The following MTCL1 variants were observed in gnomAD, a reference collection of about 807,000 sequenced individuals.
The protein encoded by MTCL1 is microtubule crosslinking factor 1.
A neutral mutation model predicts 141.4 loss-of-function variants in MTCL1; 79 were observed. That is an observed-to-expected ratio of 0.56 (90% CI 0.47 to 0.67). The LOEUF (loss-of-function observed/expected upper bound fraction) is 0.67. Among genes scored for constraint, MTCL1 ranks in the 30% least tolerant of loss-of-function variants. The pLI, the probability that MTCL1 is intolerant of heterozygous loss-of-function variation, is 0.00. For synonymous variants in MTCL1, 914 were observed against 875.8 expected (o/e 1.04, Z -0.77); for missense variants, 2,177 against 2,113.9 (o/e 1.03, Z -0.59).
chr18:8,731,113 C>T (rs558216310), intron 4 of MTCL1, among the ~76,000 whole-genome samples: 128 of 151,996 alleles, frequency 8.4e-4, no homozygotes, highest in Non-Finnish European at 1.4e-3. Flanking sequence ...GCCGTGGTGG[C>T]GGGCGCCTGT....
chr18:8,792,887 T>TG, intron 7 of MTCL1, 111 bp from the exon 7 acceptor site: 3 of 1,438,664 alleles, frequency 2.1e-6, no homozygotes, highest in Non-Finnish European at 2.8e-6. Flanking sequence ...TGCCCACACA[T>TG]GCTGTGTCGC....
chr18:8,737,303 A>T (rs568260051), intron 4 of MTCL1, among the ~76,000 whole-genome samples: 1 of 152,366 alleles, frequency 6.6e-6, no homozygotes, highest in East Asian at 1.9e-4. Context: ...TTTAGTAAAT[A>T]GCTTAAACAG....
intron 14 of MTCL1, among the ~76,000 whole-genome samples, chr18:8,823,554 C>T (rs1335324986): frequency 6.6e-6 from 1 of 152,238 alleles, no homozygotes; most frequent in Non-Finnish European, 1.5e-5. Flanking sequence ...CAAATCAACC[C>T]ATCCCTACCA....
At chr18:8,807,994 A>G (rs2004689) in intron 11 of MTCL1, among the ~76,000 whole-genome samples, 64,518 of 149,520 alleles carry the variant, frequency 0.43, 15,747 homozygotes, top group African/African-American at 0.67. Context: ...GATGAAAAAG[A>G]CTTGATGTGT....
intron 4 of MTCL1, among the ~76,000 whole-genome samples, chr18:8,728,792 GTGAT>G (rs34231392): frequency 0.8 from 112,693 of 140,640 alleles, 45,644 homozygotes; most frequent in East Asian, 0.95. Flanking sequence ...GTGCAGTGGC[GTGAT>G]TGATCTCGGC....
chr18:8,715,323 G>A (rs578178763), upstream of MTCL1, among the ~76,000 whole-genome samples: 5 of 152,288 alleles, frequency 3.3e-5, no homozygotes, highest in South Asian at 8.3e-4. Flanking sequence ...CCTGGAAGCT[G>A]TATCTTGCAT....
exon 6 of MTCL1, chr18:8,784,468 G>A (rs1339994552): frequency 1.3e-6 from 2 of 1,552,626 alleles, no homozygotes; most frequent in Admixed American, 1.9e-5. Context: ...AGGACTCTGA[G>A]TACCTAGTGA....
chr18:8,831,000 A>C lies in MTCL1; in HGVS notation c.*19-607A>C. On this transcript the variant is annotated intron_variant, in intron 16 of 16. Transcript: ENST00000359865. The surrounding 1 kb of genome is among the most constrained non-coding windows in gnomAD (Gnocchi z 6.4). ...TGCTGCTGCAATTGAACAGTCATTA[A>C]AGAAAACCAGACCCAAATTAAAATT... 1.0e-6 allele frequency: 1 copy of C among 986,058 alleles called. No individual in the cohort carries two copies. Among genetic ancestry groups the C allele is most frequent in the Non-Finnish European group, 1.2e-6 (1 of 830,408 alleles). The allele number at this position is 986,058 out of a possible 1,614,324, so 61.1% of individuals were successfully genotyped here. A position where few individuals can be genotyped will look rare whatever the true frequency, so the allele number is the denominator to read the frequency against.
intron 4 of MTCL1, among the ~76,000 whole-genome samples, chr18:8,738,707 T>C (rs1275181452): frequency 1.3e-5 from 2 of 152,206 alleles, no homozygotes; most frequent in Non-Finnish European, 2.9e-5. Flanking sequence ...ACCTGGTGCA[T>C]TGATAAGGAC....
chr18:8,728,720 CTTTTTTTTTT>C (rs34524200), intron 4 of MTCL1, among the ~76,000 whole-genome samples: 780 of 59,098 alleles, frequency 0.013, 9 homozygotes, highest in African/African-American at 0.049. Context: ...GTTGTCCATT[CTTTTTTTTTT>C]TTTTTTTTTT....
chr18:8,831,301 C>G, intron 16 of MTCL1: 1 of 1,191,194 alleles, frequency 8.4e-7, no homozygotes, highest in Non-Finnish European at 1.0e-6. Flanking sequence ...CTGCCACAGT[C>G]ACTGTGTCAT....
rs1191516895 is a variant in MTCL1, at chr18:8,717,944, A to AT, written c.-41dup. The AT allele has an allele frequency of 4.0e-6, 4 of 998,360 alleles. No individual in the cohort carries two copies. The African/African-American group carries it at 5.2e-5, about 13-fold the overall frequency. 61.8% of individuals were successfully genotyped at this position (998,360 alleles called of 1,614,324 possible). A position where few individuals can be genotyped will look rare whatever the true frequency, so the allele number is the denominator to read the frequency against. On this transcript the variant is annotated 5_prime_UTR_variant, in exon 2 of 17. Coordinates refer to ENST00000359865, the Ensembl canonical transcript of MTCL1. ...GCTGAGATGCGTCTTGTGGAACAGAATTTTTGGGACATTTGCAGGTATGTT... is the reference window on the plus strand; with the variant it reads ...GCTGAGATGCGTCTTGTGGAACAGAATTTTTTGGGACATTTGCAGGTATGTT...
At position 8,828,391 on chromosome 18, in the gene MTCL1, G is replaced by A. The variant is rs187813743; in HGVS notation, c.4723-517G>A. 1.7e-3 allele frequency among the ~76,000 whole-genome samples: 256 copies of A among 152,258 alleles called. 1 individual carries two copies. The highest frequency in any genetic ancestry group is 5.9e-3 in the African/African-American group (245 of 41,544). On this transcript the variant is annotated intron_variant, in intron 15 of 16. Transcript: ENST00000359865. This position sits in a 1 kb window ranked among gnomAD's most constrained non-coding sequence, Gnocchi z 5.2. The stretch of plus-strand genomic sequence containing the variant: ...GCAGAGAGAAGCCGTGAGGAGTTCC[G>A]GTGTGAAGAGAAAGAATCTGAAAAT...
chr18:8,785,674 T>C (rs892165106), intron 6 of MTCL1: 1 of 476,938 alleles, frequency 2.1e-6, no homozygotes, highest in East Asian at 3.8e-5. Flanking sequence ...CCCCACTTTC[T>C]CTTTTTGCTT....
chr18:8,766,727 G>A (rs940465739), intron 4 of MTCL1, among the ~76,000 whole-genome samples: 3 of 152,174 alleles, frequency 2.0e-5, no homozygotes, highest in Non-Finnish European at 4.4e-5. Flanking sequence ...TGTAGCCCTG[G>A]CCCAGCCGCC....
At chr18:8,730,425 T>C (rs914271811) in intron 4 of MTCL1, among the ~76,000 whole-genome samples, 2 of 152,206 alleles carry the variant, frequency 1.3e-5, no homozygotes, top group African/African-American at 4.8e-5. Flanking sequence ...TATTTAAAAA[T>C]CTCTTGCTGA....
chr18:8,738,694 C>G (rs1315427926), intron 4 of MTCL1, among the ~76,000 whole-genome samples: 1 of 152,196 alleles, frequency 6.6e-6, no homozygotes, highest in Non-Finnish European at 1.5e-5. Context: ...TCAGGTTAGA[C>G]CTACCTGGTG....
At chr18:8,829,083 C>T in intron 16 of MTCL1, 8 of 1,556,874 alleles carry the variant, frequency 5.1e-6, no homozygotes, top group African/African-American at 1.4e-5. Flanking sequence ...CCCTCGCTCA[C>T]CCCAAGTTCC....
At chr18:8,721,333 C>G (rs2096170482) in intron 4 of MTCL1, among the ~76,000 whole-genome samples, 1 of 152,220 alleles carries the variant, frequency 6.6e-6, no homozygotes, top group African/African-American at 2.4e-5. Context: ...ATCCATGCCC[C>G]CTCCCATCTG....
Sources: allele counts gnomAD v4.1 joint callset (sites outside exome capture counted in the v4.1 genomes callset), GRCh38; gene constraint gnomAD v4.1.1; non-coding constraint Gnocchi (gnomAD v3.1); transcripts MANE v1.5; gene names NCBI Gene and HGNC (gene_info 2026-07-23, HGNC 2026-07-21).